ASB3: variants seen among roughly 807,000 people sequenced by gnomAD.
The protein encoded by ASB3 is ankyrin repeat and SOCS box protein 3.
ASB3 carries 41 observed loss-of-function variants against 54.5 expected under a neutral mutation model. The ratio of observed to expected loss-of-function variants is 0.75; its 90% CI spans 0.59 to 0.98. The LOEUF (loss-of-function observed/expected upper bound fraction) is 0.98, where lower values mean the gene tolerates loss of function less well. Among genes scored for constraint, ASB3 ranks in the 50% least tolerant of loss-of-function variants. The pLI is 0.00. For missense variants in ASB3, 733 were observed against 620.0 expected (o/e 1.18, Z -1.94); for synonymous variants, 266 against 221.2 (o/e 1.20, Z -1.80).
chr2:53,699,404 G>A (rs887970365), intron 8 of ASB3, among the ~76,000 whole-genome samples: 3 of 152,168 alleles, frequency 2.0e-5, no homozygotes, highest in African/African-American at 7.2e-5. Context: ...AAACCAGAAA[G>A]GAGCATGAAG....
intron 3 of ASB3, among the ~76,000 whole-genome samples, chr2:53,731,140 G>A (rs979376371): frequency 5.9e-5 from 9 of 152,128 alleles, no homozygotes; most frequent in East Asian, 1.9e-4. Flanking sequence ...GGTGGCTCCC[G>A]CCTGTAATCC....
chr2:53,748,297 C>T (rs1672335393), intron 3 of ASB3: 2 of 152,150 alleles, frequency 1.3e-5, no homozygotes, highest in African/African-American at 4.8e-5. Context: ...TACTCCTCCA[C>T]GTAGACGATT....
intron 6 of ASB3, 89 bp downstream of exon 6, chr2:53,716,475 CTT>C: frequency 1.4e-6 from 2 of 1,471,894 alleles, no homozygotes; most frequent in East Asian, 2.3e-5. Context: ...ATATCAAAGA[CTT>C]TGCCTAGAGG....
rs1474780284 is a variant in ASB3, at chr2:53,750,805, T to C, written c.333A>G (p.Glu111=). 1.3e-6 allele frequency: 2 copies of C among 1,584,378 alleles called. No homozygotes were observed. Among genetic ancestry groups the C allele is most frequent in the Admixed American group, 1.8e-5 (1 of 54,928 alleles). ...TACCTAAAAACAATGGTGTCGTTTC[T>C]TCTAAAGTAGTTGCATTAGGATCTG... is the stretch of plus-strand genomic sequence containing the variant. ...AGADPNATTL[E]ETTPLFLAVE... The change falls in exon 3 of 10, where the codon GAA becomes GAG. Residue 111 remains glutamate, a synonymous_variant. Coordinates refer to ENST00000263634, the MANE Select transcript of ASB3 (RefSeq NM_016115.5).
At chr2:53,730,147 G>T (rs1354390368) in intron 3 of ASB3, among the ~76,000 whole-genome samples, 1 of 152,152 alleles carries the variant, frequency 6.6e-6, no homozygotes, top group African/African-American at 2.4e-5. Flanking sequence ...TTAAAGAGAT[G>T]CAGATTATTT....
intron 9 of ASB3, among the ~76,000 whole-genome samples, chr2:53,673,910 G>T (rs781235770): frequency 1.3e-5 from 2 of 152,120 alleles, no homozygotes; most frequent in Non-Finnish European, 2.9e-5. Flanking sequence ...CTGAACTGAG[G>T]GAGTGTTTCA....
intron 7 of ASB3, among the ~76,000 whole-genome samples, chr2:53,709,670 CAT>C (rs1167801053): frequency 6.6e-6 from 1 of 152,160 alleles, no homozygotes; most frequent in Non-Finnish European, 1.5e-5. Context: ...TTTACATTTA[CAT>C]ATGTTTGAAA....
At chr2:53,729,430 G>T (rs778529075) in intron 4 of ASB3, 28 bp downstream of exon 4, 1 of 1,607,452 alleles carries the variant, frequency 6.2e-7, no homozygotes. Context: ...AATTTACATG[G>T]AAATGAAATA....
rs1169850024 is a variant in ASB3, at chr2:53,707,658, AAAAG to A, written c.980+6722_980+6725del. On this transcript the variant is annotated intron_variant, in intron 7 of 9. Transcript: ENST00000263634. The stretch of plus-strand genomic sequence containing the variant: ...CGAGACTCCGTCTCAAAAAAAAAAA[AAAAG>A]AAAGAAATGCAGAGTATGCCGGGCA... Among the ~76,000 whole-genome samples, 28 of 149,922 alleles carry A rather than the reference AAAAG, an allele frequency of 1.9e-4. No individual in the cohort carries two copies. In the South Asian group the frequency reaches 3.0e-3, roughly 16 times the overall value.
intron 3 of ASB3, among the ~76,000 whole-genome samples, chr2:53,738,538 G>C (rs1671765931): frequency 6.6e-6 from 1 of 152,124 alleles, no homozygotes; most frequent in Non-Finnish European, 1.5e-5. Flanking sequence ...CATCATAAGG[G>C]ACAATGTAGA....
chr2:53,781,496 CA>C (rs1374469888), intron 1 of ASB3, among the ~76,000 whole-genome samples: 1 of 151,772 alleles, frequency 6.6e-6, no homozygotes, highest in Non-Finnish European at 1.5e-5. Context: ...AGATTCTTTC[CA>C]TTTTTTTTTT....
At chr2:53,775,918 A>AT (rs1393403531) in intron 1 of ASB3, among the ~76,000 whole-genome samples, 3 of 152,206 alleles carry the variant, frequency 2.0e-5, no homozygotes, top group African/African-American at 7.2e-5. Context: ...AAGAGTATCA[A>AT]TTGGGTGTAT....
intron 7 of ASB3, among the ~76,000 whole-genome samples, chr2:53,713,407 G>A (rs528664543): frequency 1.3e-5 from 2 of 152,030 alleles, no homozygotes; most frequent in African/African-American, 2.4e-5. Context: ...TCCATTATTG[G>A]ATGACCAGAT....
chr2:53,737,725 A>T (rs1022713956), intron 3 of ASB3, among the ~76,000 whole-genome samples: 98 of 102,806 alleles, frequency 9.5e-4, no homozygotes, highest in Non-Finnish European at 2.1e-3. Flanking sequence ...TTAAAAAAGG[A>T]AAAAAAAAAA....
intron 1 of ASB3, among the ~76,000 whole-genome samples, chr2:53,771,513 C>A (rs1454577401): frequency 2.0e-5 from 3 of 151,858 alleles, no homozygotes; most frequent in Non-Finnish European, 4.4e-5. Flanking sequence ...AACTCCGTCT[C>A]AAAAAATAAA....
chr2:53,697,187 C>A (rs998940989), intron 8 of ASB3, among the ~76,000 whole-genome samples: 16 of 152,206 alleles, frequency 1.1e-4, no homozygotes, highest in African/African-American at 3.4e-4. Flanking sequence ...GACACTCCCA[C>A]CAGCCCCATG....
intron 9 of ASB3, among the ~76,000 whole-genome samples, chr2:53,690,178 G>A (rs1268987026): frequency 6.6e-6 from 1 of 152,076 alleles, no homozygotes; most frequent in Admixed American, 6.6e-5. Flanking sequence ...AGAGGCTGCA[G>A]TGAGCCATGA....
At chr2:53,753,638 C>A (rs1014767913) in intron 2 of ASB3, among the ~76,000 whole-genome samples, 2 of 150,074 alleles carry the variant, frequency 1.3e-5, no homozygotes, top group Non-Finnish European at 3.0e-5. Context: ...TCTTGGTTTT[C>A]TCTCTTTCTT....
chr2:53,758,561 G>A (rs1672965146), intron 2 of ASB3, among the ~76,000 whole-genome samples: 1 of 152,196 alleles, frequency 6.6e-6, no homozygotes, highest in South Asian at 2.1e-4. Flanking sequence ...TCACCCTTGA[G>A]CGCAAAGGCA....
Sources: gnomAD v4.1 joint callset for allele counts (sites outside exome capture counted in the v4.1 genomes callset) on GRCh38, gnomAD v4.1.1 for gene constraint, MANE v1.5 for transcripts, NCBI Gene and HGNC (gene_info 2026-07-23, HGNC 2026-07-21) for gene names.